Variants in PAK3 observed in about 807,000 individuals in gnomAD.
PAK3 encodes the protein p21 (RAC1) activated kinase 3.
Under a neutral mutation model 41.0 loss-of-function variants are expected in PAK3, and 4 were observed. The ratio of observed to expected loss-of-function variants is 0.10; its 90% CI spans 0.05 to 0.22. The LOEUF (loss-of-function observed/expected upper bound fraction) is 0.22. PAK3 is among the 10% of genes least tolerant of loss of function. PAK3 has a pLI of 1.00. For synonymous variants in PAK3, 146 were observed against 139.6 expected, an observed-to-expected ratio of 1.05 and a Z score of -0.32; for missense variants, 205 against 409.9, an observed-to-expected ratio of 0.50 and a Z score of 4.32.
At chrX:110,956,904 G>A (rs1341464697) in intron 1 of PAK3, among the ~76,000 whole-genome samples, 1 of 111,715 alleles carries the variant, frequency 9.0e-6, no homozygotes, top group Non-Finnish European at 1.9e-5. Context: ...GACCTTCTTT[G>A]TGGAGGGCCT....
intron 11 of PAK3, among the ~76,000 whole-genome samples, chrX:111,191,222 C>G (rs769207260): frequency 5.9e-4 from 66 of 111,605 alleles, no homozygotes; most frequent in Non-Finnish European, 1.1e-3. Context: ...TCTCAGCCTC[C>G]TGAAAAGCAG....
chrX:111,129,906 A>G (rs1447867679), intron 5 of PAK3, among the ~76,000 whole-genome samples: 1 of 111,535 alleles, frequency 9.0e-6, no homozygotes, highest in African/African-American at 3.3e-5. Flanking sequence ...GACAAAGGCT[A>G]AGGGATATGA....
chrX:111,066,953 A>G (rs1443818301), intron 1 of PAK3, among the ~76,000 whole-genome samples: 1 of 111,761 alleles, frequency 8.9e-6, no homozygotes, highest in Non-Finnish European at 1.9e-5. Flanking sequence ...TTTTCCTATC[A>G]TGTACCCTAA....
Position 111,116,090 on chromosome X carries a change from A to AC in PAK3, c.-27-6982dup, listed in dbSNP as rs771502284. On this transcript the variant is annotated intron_variant, in intron 4 of 17. Transcript: ENST00000372007. ...ATGCATAGTAACAGAGACAATCGAG[A>AC]CCCCCAGAGACTCAAGACATTGGTT... Among the ~76,000 whole-genome samples the AC allele has an allele frequency of 9.1e-5, 10 of 110,392 alleles. No individual in the cohort carries two copies. In the East Asian group the frequency reaches 2.3e-3, roughly 25 times the overall value.
rs1303081303 is a variant in PAK3 at position 111,224,808 on chromosome X, C to T, written c.*4361C>T. 1 of 112,526 alleles carries T rather than the reference C, an allele frequency of 8.9e-6. No individual in the cohort carries two copies. The highest frequency in any genetic ancestry group is 2.8e-4 in the East Asian group (1 of 3,591). 9.3% of individuals were successfully genotyped at this position (112,526 alleles called of 1,213,427 possible). On this transcript the variant is annotated 3_prime_UTR_variant, in exon 18 of 18. Transcript: ENST00000372007. ...ACCTCAGATATGCTGCTTAGTTTCA[C>T]TAAAAGCAGACCCTATACCTAGAGA...
Position 111,163,553 on chromosome X carries a change from T to G in PAK3, c.601-9T>G, listed in dbSNP as rs774172504. 9 of 1,194,228 alleles carry G rather than the reference T, an allele frequency of 7.5e-6. No individual in the cohort carries two copies. Among genetic ancestry groups the G allele is most frequent in the Non-Finnish European group, 1.1e-6 (1 of 881,368 alleles). ...CTGTTTTAATTGCAGAGCTTTTTGGTTTTTTTAGATCTATACTCGTTCTGT... is the reference window on the plus strand; with the variant it reads ...CTGTTTTAATTGCAGAGCTTTTTGGGTTTTTTAGATCTATACTCGTTCTGT... On this transcript the variant is annotated splice_polypyrimidine_tract_variant and intron_variant, in intron 9 of 17. Coordinates refer to ENST00000372007, the MANE Select transcript of PAK3 (RefSeq NM_002578.5).
At chrX:110,987,477 C>G (rs1165385386) in intron 1 of PAK3, among the ~76,000 whole-genome samples, 3 of 111,475 alleles carry the variant, frequency 2.7e-5, no homozygotes, top group Non-Finnish European at 5.7e-5. Context: ...AGCCCAATTG[C>G]AGTATTAGAC....
chrX:111,002,462 G>A (rs1036725588), intron 1 of PAK3, among the ~76,000 whole-genome samples: 64 of 111,715 alleles, frequency 5.7e-4, no homozygotes, highest in African/African-American at 1.9e-3. Flanking sequence ...GAAGGCATCA[G>A]CTCTGCTTTT....
chrX:111,018,997 A>G (rs1337728396), intron 1 of PAK3, among the ~76,000 whole-genome samples: 2 of 111,475 alleles, frequency 1.8e-5, no homozygotes, highest in African/African-American at 6.5e-5. Flanking sequence ...ATAGGGAAAG[A>G]GCAATCTTTC....
At chrX:110,972,359 G>A (rs1316176695) in intron 1 of PAK3, among the ~76,000 whole-genome samples, 2 of 111,700 alleles carry the variant, frequency 1.8e-5, no homozygotes, top group Admixed American at 9.5e-5. Flanking sequence ...AGCTTCCAGA[G>A]GAAGGATCAG....
chrX:111,211,123 G>A (rs2094814542), intron 16 of PAK3, among the ~76,000 whole-genome samples: 1 of 111,499 alleles, frequency 9.0e-6, no homozygotes, highest in South Asian at 3.8e-4. Flanking sequence ...ACAAATTGGT[G>A]TGAGTAGTAT....
chrX:111,020,497 A>T (rs1374030954), intron 1 of PAK3, among the ~76,000 whole-genome samples: 1 of 111,399 alleles, frequency 9.0e-6, no homozygotes, highest in African/African-American at 3.3e-5. Context: ...AACAATGTGA[A>T]TGTAGGCCTG....
At chrX:111,089,895 G>C (rs2092916683) in intron 1 of PAK3, among the ~76,000 whole-genome samples, 1 of 110,715 alleles carries the variant, frequency 9.0e-6, no homozygotes, top group Admixed American at 9.6e-5. Context: ...TAGATTCCAA[G>C]TTTCTTGAGG....
chrX:111,164,531 A>G (rs2149203513), intron 10 of PAK3, among the ~76,000 whole-genome samples: 1 of 110,774 alleles, frequency 9.0e-6, no homozygotes. Flanking sequence ...CTTCCTTACC[A>G]CTTTTACTGG....
At chrX:111,171,054 C>A (rs762610437) in intron 10 of PAK3, among the ~76,000 whole-genome samples, 2 of 110,604 alleles carry the variant, frequency 1.8e-5, no homozygotes, top group East Asian at 5.8e-4. Context: ...ATAGTATGGT[C>A]CCCCTTTTCC....
chrX:111,160,530 T>C (rs1603323032), intron 8 of PAK3, among the ~76,000 whole-genome samples: 1 of 109,791 alleles, frequency 9.1e-6, no homozygotes, highest in Non-Finnish European at 1.9e-5. Flanking sequence ...GTTTGTTACA[T>C]ATGTATACAT....
chrX:111,092,445 A>AT (rs2092937294), upstream of PAK3, among the ~76,000 whole-genome samples: 2 of 111,629 alleles, frequency 1.8e-5, no homozygotes, highest in Admixed American at 1.9e-4. Context: ...GCTGTTCTGC[A>AT]TTTTTTCACT....
intron 1 of PAK3, among the ~76,000 whole-genome samples, chrX:111,066,621 T>C (rs1342475696): frequency 8.9e-6 from 1 of 112,062 alleles, no homozygotes; most frequent in African/African-American, 3.2e-5. Flanking sequence ...ATTTCTTTGT[T>C]AGCTTTCTGC....
intron 1 of PAK3, among the ~76,000 whole-genome samples, chrX:111,000,949 G>A (rs1056766438): frequency 9.0e-6 from 1 of 110,846 alleles, no homozygotes; most frequent in Non-Finnish European, 1.9e-5. Flanking sequence ...GGAGTAGAGG[G>A]GCTGTATTCA....
Sources: allele counts gnomAD v4.1 joint callset (sites outside exome capture counted in the v4.1 genomes callset), GRCh38; gene constraint gnomAD v4.1.1; transcripts MANE v1.5; gene names NCBI Gene and HGNC (gene_info 2026-07-23, HGNC 2026-07-21).